The following FAHD2B variants were observed in gnomAD, a reference collection of about 807,000 sequenced individuals.
FAHD2B encodes the protein fumarylacetoacetate hydrolase domain containing 2B, also known as oxaloacetate tautomerase FAHD2B, mitochondrial.
In FAHD2B, 26 loss-of-function variants were observed where a neutral mutation model predicts 33.7. The observed-to-expected ratio is 0.77, with a 90% confidence interval of 0.57 to 1.07. The LOEUF (loss-of-function observed/expected upper bound fraction) is 1.07. FAHD2B is among the 50% of genes least tolerant of loss of function. The probability of loss-of-function intolerance (pLI) is 0.00; values close to 1 mark genes in which losing one functional copy is unlikely to be tolerated. For missense variants in FAHD2B, 272 were observed against 388.1 expected, an observed-to-expected ratio of 0.70 and a Z score of 2.51; for synonymous variants, 108 against 150.9, an observed-to-expected ratio of 0.72 and a Z score of 2.08.
At chr2:97,093,473 T>TC (rs2032476433) in intron 1 of FAHD2B, among the ~76,000 whole-genome samples, 1 of 33,182 alleles carries the variant, frequency 3.0e-5, no homozygotes, top group African/African-American at 5.1e-5. Flanking sequence ...ATTTAATTCT[T>TC]TTTTTTTTTT....
At chr2:97,082,018 C>T (rs1400899648), downstream of FAHD2B, 55 of 1,566,300 alleles carry the variant, frequency 3.5e-5, no homozygotes, top group Admixed American at 1.2e-4. Context: ...CACAGGGCAA[C>T]GGCGACTGAG....
intron 6 of FAHD2B, 51 bp from the exon 7 acceptor site, chr2:97,084,328 C>T (rs769317792): frequency 1.9e-6 from 3 of 1,606,104 alleles, no homozygotes; most frequent in African/African-American, 1.3e-5. Context: ...CCCTCAAACC[C>T]CCCAGTGTTT....
intron 4 of FAHD2B, 93 bp from the exon 5 acceptor site, chr2:97,086,291 G>T: frequency 6.5e-7 from 1 of 1,532,750 alleles, no homozygotes; most frequent in Non-Finnish European, 8.8e-7. Flanking sequence ...TGTCAGTATG[G>T]CTTGGCTGCC....
At chr2:97,081,634 C>T, downstream of FAHD2B, 1 of 1,454,484 alleles carries the variant, frequency 6.9e-7, no homozygotes, top group Non-Finnish European at 9.0e-7. Context: ...TGGGGGTGGG[C>T]AGCCCCTGGC....
downstream of FAHD2B, chr2:97,082,648 C>A: frequency 6.5e-7 from 1 of 1,538,874 alleles, no homozygotes; most frequent in Non-Finnish European, 9.0e-7. Flanking sequence ...GAAGCCTGTG[C>A]CCAGTGGCTC....
downstream of FAHD2B, chr2:97,083,093 G>T (rs2031714918): frequency 4.0e-6 from 6 of 1,498,818 alleles, no homozygotes; most frequent in Non-Finnish European, 5.3e-6. Context: ...GAGCCATGCA[G>T]ACACAGTCCC....
intron 6 of FAHD2B, among the ~76,000 whole-genome samples, chr2:97,084,645 C>G (rs1330201765): frequency 4.6e-5 from 7 of 152,084 alleles, no homozygotes; most frequent in African/African-American, 7.2e-5. Context: ...TGGTGGCTCA[C>G]ACCTGTAATC....
At chr2:97,086,070 G>C (rs1574373413) in intron 5 of FAHD2B, 69 bp downstream of exon 5, 1 of 1,578,876 alleles carries the variant, frequency 6.3e-7, no homozygotes, top group Non-Finnish European at 8.6e-7. Flanking sequence ...AGTGAGGTCA[G>C]AACTAGGAGA....
downstream of FAHD2B, among the ~76,000 whole-genome samples, chr2:97,079,524 GTGA>G (rs1161388797): frequency 6.6e-6 from 1 of 152,076 alleles, no homozygotes; most frequent in Non-Finnish European, 1.5e-5. Flanking sequence ...CTACTGATCA[GTGA>G]TGTTGAGCTT....
downstream of FAHD2B, chr2:97,082,195 G>A: frequency 1.3e-6 from 2 of 1,527,846 alleles, no homozygotes; most frequent in South Asian, 1.2e-5. Context: ...GTCCCCTCCA[G>A]CTCAGCCAGC....
chr2:97,084,008 G>C lies in FAHD2B; in HGVS notation c.822C>G (p.Val274=). The change falls in exon 8 of 9, where the codon GTC becomes GTG. Residue 274 remains valine (V), a synonymous_variant. Coordinates refer to ENST00000414820, the MANE Select transcript of FAHD2B (RefSeq NM_001320848.2). Reference sequence around the variant, plus strand: ...CACCTGGGGGGGTCCCAGTTAGGATGACATCCCCTGGGTAAAAGGTAACAA... The same window carrying C: ...CACCTGGGGGGGTCCCAGTTAGGATCACATCCCCTGGGTAAAAGGTAACAA... ...SQFVTFYPGD[V]ILTGTPPGVG... is the part of the protein sequence containing the mutation. The C allele has an allele frequency of 1.2e-6, 2 of 1,613,762 alleles. No homozygotes were observed. Among genetic ancestry groups the C allele is most frequent in the Non-Finnish European group, 1.7e-6 (2 of 1,179,966 alleles).
intron 5 of FAHD2B, 92 bp downstream of exon 5, chr2:97,086,047 C>G: frequency 7.0e-7 from 1 of 1,421,100 alleles, no homozygotes; most frequent in Non-Finnish European, 9.8e-7. Flanking sequence ...ACAGCTGGTG[C>G]CGTGTGTCGG....
downstream of FAHD2B, among the ~76,000 whole-genome samples, chr2:97,079,240 CATGT>C (rs1479268760): frequency 2.0e-5 from 3 of 152,098 alleles, no homozygotes; most frequent in East Asian, 1.9e-4. Flanking sequence ...CGCATGCATG[CATGT>C]GTCTTTATAA....
chr2:97,082,355 G>T, downstream of FAHD2B: 1 of 1,610,950 alleles, frequency 6.2e-7, no homozygotes, highest in Non-Finnish European at 8.5e-7. Flanking sequence ...GAGGCAGGCT[G>T]TGTCTGTGCT....
downstream of FAHD2B, chr2:97,081,482 G>T: frequency 3.2e-6 from 5 of 1,583,694 alleles, no homozygotes; most frequent in Non-Finnish European, 4.3e-6. Flanking sequence ...TGCTGGACAG[G>T]CTCATCCAAT....
chr2:97,085,599 G>A (rs2031922780), intron 6 of FAHD2B, 100 bp downstream of exon 6: 1 of 1,530,940 alleles, frequency 6.5e-7, no homozygotes, highest in African/African-American at 1.4e-5. Context: ...AGGGCAGCCA[G>A]GGAGGGCAGG....
intron 6 of FAHD2B, 72 bp from the exon 7 acceptor site, chr2:97,084,349 A>G (rs1262493293): frequency 6.4e-7 from 1 of 1,571,234 alleles, no homozygotes. Context: ...TACAAACACA[A>G]CTGTAGGGGC....
downstream of FAHD2B, among the ~76,000 whole-genome samples, chr2:97,079,380 T>A (rs1035191986): frequency 6.6e-6 from 1 of 152,114 alleles, no homozygotes; most frequent in African/African-American, 2.4e-5. Flanking sequence ...CTAATTTATA[T>A]TCCCATCAAC....
intron 6 of FAHD2B, 31 bp from the exon 7 acceptor site, chr2:97,084,308 T>A: frequency 1.2e-6 from 2 of 1,611,272 alleles, no homozygotes; most frequent in Non-Finnish European, 1.7e-6. Flanking sequence ...CTTGGAGTTA[T>A]CCCTTTTCCC....
Sources: allele counts gnomAD v4.1 joint callset (sites outside exome capture counted in the v4.1 genomes callset), GRCh38; gene constraint gnomAD v4.1.1; transcripts MANE v1.5; gene names NCBI Gene and HGNC (gene_info 2026-07-23, HGNC 2026-07-21).